Variants in FRAS1 observed in about 807,000 individuals in gnomAD.
The protein encoded by FRAS1 is extracellular matrix organizing protein FRAS1.
A neutral mutation model predicts 435.2 loss-of-function variants in FRAS1; 290 were observed. The observed-to-expected ratio is 0.67, with a 90% CI of 0.61 to 0.73. The LOEUF is 0.73. Among genes scored for constraint, FRAS1 ranks in the 30% least tolerant of loss-of-function variants. The pLI, the probability that FRAS1 is intolerant of heterozygous loss-of-function variation, is 0.00. For synonymous variants in FRAS1, 1,800 were observed against 1,851.0 expected (o/e 0.97, Z 0.71); for missense variants, 4,860 against 5,001.5 (o/e 0.97, Z 0.85).
rs1490082538 is a variant in FRAS1, at chr4:78,508,680, C to G, written c.9505-51C>G. The G allele has an allele frequency of 1.9e-6, 3 of 1,603,862 alleles. No individual in the cohort carries two copies. In the Admixed American group the frequency reaches 5.1e-5, roughly 27 times the overall value. Reference sequence around the variant, plus strand: ...CTCTAAAGAAAGGGGGCTTAGTTCTCTGACCTTGCCAATACCCAACCTGAA... The same window carrying G: ...CTCTAAAGAAAGGGGGCTTAGTTCTGTGACCTTGCCAATACCCAACCTGAA... On this transcript the variant is annotated intron_variant, in intron 62 of 73. Transcript: ENST00000512123.
At chr4:78,466,742 C>A (rs1245996504) in intron 50 of FRAS1, among the ~76,000 whole-genome samples, 1 of 152,022 alleles carries the variant, frequency 6.6e-6, no homozygotes, top group East Asian at 1.9e-4. Context: ...TTTCTTTTTT[C>A]TTTTTGCCCA....
chr4:78,227,085 G>T (rs1394663944), intron 2 of FRAS1, among the ~76,000 whole-genome samples: 1 of 152,094 alleles, frequency 6.6e-6, no homozygotes, highest in Non-Finnish European at 1.5e-5. Flanking sequence ...TGTATCTATT[G>T]TCTTTCATTA....
At chr4:78,064,979 TC>T (rs1321884141) in intron 1 of FRAS1, among the ~76,000 whole-genome samples, 1 of 150,072 alleles carries the variant, frequency 6.7e-6, no homozygotes, top group Non-Finnish European at 1.5e-5. Context: ...CTAAGTTAAA[TC>T]AAGACCTGTT....
chr4:78,118,510 T>C (rs1295027894), intron 2 of FRAS1, among the ~76,000 whole-genome samples: 1 of 152,114 alleles, frequency 6.6e-6, no homozygotes, highest in African/African-American at 2.4e-5. Context: ...ACTCAAGACT[T>C]GGCAATGGTG....
At chr4:78,375,550 C>T (rs1045734700) in intron 25 of FRAS1, among the ~76,000 whole-genome samples, 189 bp from the exon 26 acceptor site, 1 of 152,182 alleles carries the variant, frequency 6.6e-6, no homozygotes, top group Non-Finnish European at 1.5e-5. Context: ...CATTGTGGAA[C>T]GTGAGGAGTG....
At chr4:78,080,554 T>C (rs1449149053) in intron 2 of FRAS1, among the ~76,000 whole-genome samples, 1 of 152,180 alleles carries the variant, frequency 6.6e-6, no homozygotes, top group Non-Finnish European at 1.5e-5. Flanking sequence ...AGTTTGTGCA[T>C]GTGAACAGTT....
rs1720254883 is a variant in FRAS1 at position 78,488,925 on chromosome 4, G to A, written c.8803G>A (p.Gly2935Ser). Residue 2935 changes from glycine to serine, a missense_variant, in exon 59 of 74, where the codon GGT becomes AGT. By Grantham distance (56) the Gly-to-Ser change is moderately conservative (BLOSUM62 0). Coordinates refer to ENST00000512123, the MANE Select transcript of FRAS1 (RefSeq NM_025074.7). The part of the protein sequence containing the change: ...KDLLLVKEKE[G>S]VLHVPITRSG... ...TTTGCTCCTAGTGAAGGAGAAGGAG[G>A]GTGTCCTGCATGTCCCTATCACTCG... The A allele has an allele frequency of 6.2e-7, 1 of 1,613,266 alleles. No homozygotes were observed. The highest frequency in any genetic ancestry group is 1.3e-5 in the African/African-American group (1 of 74,896).
chr4:78,178,789 G>A (rs575928501), intron 2 of FRAS1, among the ~76,000 whole-genome samples: 37 of 152,234 alleles, frequency 2.4e-4, no homozygotes, highest in African/African-American at 8.7e-4. Flanking sequence ...ACATTTTGAG[G>A]TTCCAGGTGC....
intron 14 of FRAS1, among the ~76,000 whole-genome samples, chr4:78,304,111 A>C (rs1352609988): frequency 2.0e-5 from 3 of 149,470 alleles, no homozygotes; most frequent in South Asian, 2.1e-4. Context: ...CTATTAAGAT[A>C]ATCATGTGGT....
At chr4:78,344,585 G>A (rs535314717) in intron 20 of FRAS1, among the ~76,000 whole-genome samples, 8 of 131,872 alleles carry the variant, frequency 6.1e-5, no homozygotes, top group African/African-American at 1.6e-4. Context: ...GCTCAAGAAT[G>A]ATTTTTTTTT....
chr4:78,270,600 T>C (rs992515906), intron 9 of FRAS1, among the ~76,000 whole-genome samples: 1 of 138,508 alleles, frequency 7.2e-6, no homozygotes, highest in Non-Finnish European at 1.5e-5. Flanking sequence ...ATTTAGGTGA[T>C]AGGGAGTCAC....
chr4:78,143,156 G>T (rs1720263643), intron 2 of FRAS1, among the ~76,000 whole-genome samples: 1 of 152,044 alleles, frequency 6.6e-6, no homozygotes, highest in Non-Finnish European at 1.5e-5. Context: ...GAAAATAAAA[G>T]GTTGGCAAAT....
chr4:78,209,143 TAAAAAAAACAA>T (rs1723396071), intron 2 of FRAS1, among the ~76,000 whole-genome samples: 2 of 147,486 alleles, frequency 1.4e-5, no homozygotes, highest in South Asian at 4.3e-4. Context: ...AGACCCCATG[TAAAAAAAACAA>T]AAAAAAAACA....
chr4:78,527,929 G>A (rs1721591580), intron 70 of FRAS1, among the ~76,000 whole-genome samples: 1 of 152,172 alleles, frequency 6.6e-6, no homozygotes, highest in East Asian at 1.9e-4. Flanking sequence ...CGGGGCAAGG[G>A]AGTAGATCCA....
At chr4:78,312,691 G>T (rs143698263) in intron 15 of FRAS1, among the ~76,000 whole-genome samples, 1 of 152,062 alleles carries the variant, frequency 6.6e-6, no homozygotes, top group South Asian at 2.1e-4. Context: ...AATTAGCCAG[G>T]TGTGGTGATG....
chr4:78,264,203 T>C (rs1726244114), intron 6 of FRAS1, among the ~76,000 whole-genome samples: 1 of 152,236 alleles, frequency 6.6e-6, no homozygotes. Flanking sequence ...GCTGACTCTT[T>C]GGCATTAATG....
chr4:78,402,739 A>T (rs147510733), intron 30 of FRAS1, among the ~76,000 whole-genome samples: 1 of 152,162 alleles, frequency 6.6e-6, no homozygotes, highest in Non-Finnish European at 1.5e-5. Context: ...CCAATCCAGG[A>T]TCTCAATTAC....
Position 78,444,906 on chromosome 4 carries a change from G to A in FRAS1, c.5666-616G>A, listed in dbSNP as rs79259111. ...TACCTGAGCTCTGAATGGTCCTGGAGCATCACAATAGCCCTGGTGCTCTAT... is the reference window on the plus strand; with the variant it reads ...TACCTGAGCTCTGAATGGTCCTGGAACATCACAATAGCCCTGGTGCTCTAT... On this transcript the variant is annotated intron_variant, in intron 41 of 73. Transcript: ENST00000512123. Among the ~76,000 whole-genome samples the A allele has an allele frequency of 4.3e-3, 651 of 152,272 alleles. 5 individuals are homozygous for A. The East Asian group carries it at 0.044, about 10-fold the overall frequency.
At chr4:78,130,988 A>G (rs936183607) in intron 2 of FRAS1, among the ~76,000 whole-genome samples, 7 of 152,234 alleles carry the variant, frequency 4.6e-5, no homozygotes, top group Admixed American at 4.6e-4. Flanking sequence ...GTAGCACCAA[A>G]TAAACCAAGT....
Sources: gnomAD v4.1 joint callset for allele counts (sites outside exome capture counted in the v4.1 genomes callset) on GRCh38, gnomAD v4.1.1 for gene constraint, MANE v1.5 for transcripts, NCBI Gene and HGNC (gene_info 2026-07-23, HGNC 2026-07-21) for gene names.